The following TAFA2 variants were observed in gnomAD, a reference collection of about 807,000 sequenced individuals.
The protein encoded by TAFA2 is chemokine-like protein TAFA-2.
A neutral mutation model predicts 18.8 loss-of-function variants in TAFA2; 7 were observed. The ratio of observed to expected loss-of-function variants is 0.37; its 90% CI spans 0.21 to 0.70. The LOEUF (loss-of-function observed/expected upper bound fraction) is 0.70, where lower values mean the gene tolerates loss of function less well. Ranked by LOEUF, TAFA2 falls within the 30% of genes least tolerant of loss-of-function variation. The probability of loss-of-function intolerance (pLI) is 0.53; values close to 1 mark genes in which losing one functional copy is unlikely to be tolerated. For synonymous variants in TAFA2, 60 were observed against 54.2 expected (o/e 1.11, Z -0.47); for missense variants, 122 against 158.1 (o/e 0.77, Z 1.23).
intron 1 of TAFA2, among the ~76,000 whole-genome samples, chr12:62,090,341 A>C (rs1378863311): frequency 2.6e-5 from 4 of 152,106 alleles, no homozygotes; most frequent in African/African-American, 9.6e-5. Context: ...TCATTTACAC[A>C]TCCATAATCT....
intron 1 of TAFA2, among the ~76,000 whole-genome samples, chr12:62,226,686 T>G (rs932570136): frequency 6.6e-6 from 1 of 152,162 alleles, no homozygotes; most frequent in Non-Finnish European, 1.5e-5. Flanking sequence ...AACACATTCT[T>G]CCTCTCATAT....
chr12:61,887,488 G>T (rs969306675), intron 1 of TAFA2, among the ~76,000 whole-genome samples: 1 of 151,414 alleles, frequency 6.6e-6, no homozygotes, highest in Admixed American at 6.6e-5. Context: ...CATTGTGCAG[G>T]TTAGTTACAT....
intron 1 of TAFA2, among the ~76,000 whole-genome samples, chr12:62,147,324 A>ATATATATATATATATATATG (rs1565760129): frequency 6.0e-4 from 12 of 20,014 alleles, no homozygotes; most frequent in Non-Finnish European, 1.1e-3. Context: ...GTGTGTATGT[A>ATATATATATATATATATATG]TGTATATATA....
rs74342661 is a variant in TAFA2 at position 62,209,140 on chromosome 12, G to A, written c.-130+49623C>T. 9.2e-5 allele frequency among the ~76,000 whole-genome samples: 14 copies of A among 152,284 alleles called. No homozygotes were observed. In the East Asian group the frequency reaches 2.7e-3, roughly 29 times the overall value. ...AGACTTCACATGCTGATACAGTTAG[G>A]CTTTGTGTCCCTACCCAAATCTCAT... On this transcript the variant is annotated intron_variant, in intron 1 of 5. Coordinates refer to the TAFA2 transcript ENST00000551619.
intron 1 of TAFA2, among the ~76,000 whole-genome samples, chr12:62,114,269 C>G (rs981331138): frequency 6.6e-6 from 1 of 152,144 alleles, no homozygotes; most frequent in Non-Finnish European, 1.5e-5. Context: ...CTTGTGCTTC[C>G]CAGGTAAGGT....
intron 1 of TAFA2, among the ~76,000 whole-genome samples, chr12:61,868,657 G>C (rs1874460155): frequency 6.6e-6 from 1 of 152,014 alleles, no homozygotes; most frequent in South Asian, 2.1e-4. Flanking sequence ...TCAAAGAGGA[G>C]TCCTTGACAT....
chr12:62,076,772 G>T (rs1208538635), intron 1 of TAFA2, among the ~76,000 whole-genome samples: 2 of 152,180 alleles, frequency 1.3e-5, no homozygotes, highest in Non-Finnish European at 2.9e-5. Flanking sequence ...AAGGAAGAAA[G>T]ATATAATTGA....
intron 1 of TAFA2, among the ~76,000 whole-genome samples, chr12:62,117,429 A>G (rs1489351295): frequency 3.3e-5 from 5 of 152,170 alleles, no homozygotes. Context: ...CATTTTAGGA[A>G]CTATGTTTTA....
intron 1 of TAFA2, among the ~76,000 whole-genome samples, chr12:62,147,665 G>A (rs2062295497): frequency 6.8e-6 from 1 of 147,272 alleles, no homozygotes. Context: ...GGGAGGCGGA[G>A]CTTGCAGTGA....
chr12:61,801,514 ACT>A (rs1244450815), intron 2 of TAFA2, among the ~76,000 whole-genome samples: 1 of 151,978 alleles, frequency 6.6e-6, no homozygotes, highest in African/African-American at 2.4e-5. Flanking sequence ...AAGAAAGAAC[ACT>A]CTCTTCAATA....
intron 1 of TAFA2, among the ~76,000 whole-genome samples, chr12:62,044,043 T>C (rs981638947): frequency 2.0e-5 from 3 of 152,138 alleles, no homozygotes; most frequent in Admixed American, 6.6e-5. Flanking sequence ...CTACACAATC[T>C]GCAAACCTTT....
chr12:61,952,112 A>G (rs1205312583), intron 1 of TAFA2, among the ~76,000 whole-genome samples: 1 of 152,086 alleles, frequency 6.6e-6, no homozygotes, highest in East Asian at 1.9e-4. Context: ...ATGTGTGTGC[A>G]CACATATATA....
In TAFA2 at chr12:62,162,478, T is replaced by C. The variant is rs143204426; in HGVS notation, c.-2+28781A>G. 3.7e-4 allele frequency among the ~76,000 whole-genome samples: 57 copies of C among 152,302 alleles called. 1 individual carries two copies. The highest frequency in any genetic ancestry group is 1.3e-3 in the Admixed American group (20 of 15,290). Reference sequence around the variant, plus strand: ...AGACTGAGATTTCCTGTCTTTGCAATCCCTTAGCAGATTACCCGTGATGCA... The same window carrying C: ...AGACTGAGATTTCCTGTCTTTGCAACCCCTTAGCAGATTACCCGTGATGCA... On this transcript the variant is annotated intron_variant, in intron 1 of 4. Transcript: ENST00000416284.
intron 1 of TAFA2, among the ~76,000 whole-genome samples, chr12:61,981,780 A>G (rs1371198306): frequency 6.6e-6 from 1 of 152,218 alleles, no homozygotes; most frequent in Non-Finnish European, 1.5e-5. Flanking sequence ...TGCCAGTTAG[A>G]ATGGCAATCA....
intron 1 of TAFA2, among the ~76,000 whole-genome samples, chr12:62,050,120 T>C (rs548068231): frequency 1.3e-5 from 2 of 152,294 alleles, no homozygotes; most frequent in Non-Finnish European, 2.9e-5. Context: ...GATAGCCTAC[T>C]CTTTTGAAAA....
chr12:62,205,721 T>C (rs1319673266), intron 1 of TAFA2, among the ~76,000 whole-genome samples: 1 of 152,202 alleles, frequency 6.6e-6, no homozygotes, highest in Non-Finnish European at 1.5e-5. Context: ...CCATAATGAC[T>C]GCTGCCCTTC....
At chr12:62,005,860 A>C (rs1412653307) in intron 1 of TAFA2, among the ~76,000 whole-genome samples, 1 of 152,168 alleles carries the variant, frequency 6.6e-6, no homozygotes, top group Non-Finnish European at 1.5e-5. Flanking sequence ...TGATTCGTAT[A>C]TCTGCCAATG....
At chr12:61,931,203 C>T (rs190118467) in intron 1 of TAFA2, among the ~76,000 whole-genome samples, 164 of 152,238 alleles carry the variant, frequency 1.1e-3, no homozygotes, top group African/African-American at 3.9e-3. Context: ...TTATTGGAAA[C>T]TCTAATCCAT....
intron 2 of TAFA2, among the ~76,000 whole-genome samples, chr12:61,762,437 A>T (rs1256935544): frequency 6.6e-6 from 1 of 152,020 alleles, no homozygotes; most frequent in Non-Finnish European, 1.5e-5. Context: ...GGCTTTCTAG[A>T]GTCTTTATGA....
Sources: allele counts gnomAD v4.1 joint callset (sites outside exome capture counted in the v4.1 genomes callset), GRCh38; gene constraint gnomAD v4.1.1; transcripts MANE v1.5; gene names NCBI Gene and HGNC (gene_info 2026-07-23, HGNC 2026-07-21).